The following HVCN1 variants were observed in gnomAD, a reference collection of about 807,000 sequenced individuals.
The protein encoded by HVCN1 is hydrogen voltage gated channel 1, also known as voltage-gated hydrogen channel 1.
HVCN1 carries 14 observed loss-of-function variants against 29.2 expected under a neutral mutation model. That is an observed-to-expected ratio of 0.48 (90% CI 0.32 to 0.75). The LOEUF is 0.75. Among genes scored for constraint, HVCN1 ranks in the 30% least tolerant of loss-of-function variants. The probability of loss-of-function intolerance (pLI) is 0.04; values close to 1 mark genes in which losing one functional copy is unlikely to be tolerated. For missense variants in HVCN1, 263 were observed against 341.8 expected (o/e 0.77, Z 1.82); for synonymous variants, 131 against 133.2 (o/e 0.98, Z 0.11).
At chr12:110,697,689 C>T (rs1005970743) in intron 2 of HVCN1, among the ~76,000 whole-genome samples, 4 of 141,676 alleles carry the variant, frequency 2.8e-5, no homozygotes, top group South Asian at 4.4e-4. Context: ...CTTGCTATGT[C>T]GCCCAGGCTG....
At chr12:110,681,660 C>CCATCAT (rs560447032) in intron 3 of HVCN1, among the ~76,000 whole-genome samples, 21 of 152,152 alleles carry the variant, frequency 1.4e-4, no homozygotes, top group African/African-American at 4.8e-4. Context: ...TACACAATCA[C>CCATCAT]CATCATCATC....
intron 2 of HVCN1, among the ~76,000 whole-genome samples, chr12:110,684,850 C>G (rs1275613770): frequency 1.5e-4 from 23 of 152,214 alleles, no homozygotes; most frequent in Admixed American, 1.4e-3. Flanking sequence ...AGTGGTCGCT[C>G]TGACCCTCTG....
intron 3 of HVCN1, among the ~76,000 whole-genome samples, chr12:110,668,142 C>T (rs1001254732): frequency 2.0e-5 from 3 of 152,092 alleles, no homozygotes; most frequent in South Asian, 2.1e-4. Flanking sequence ...GTACAGAGCA[C>T]CTGCCTCGGT....
rs1226788812 is a variant in HVCN1 at position 110,689,057 on chromosome 12, C to A, written c.-104+23G>T. 1 of 152,660 alleles carries A rather than the reference C, an allele frequency of 6.6e-6. No homozygotes were observed. The highest frequency in any genetic ancestry group is 1.5e-5 in the Non-Finnish European group (1 of 68,438). The allele number at this position is 152,660 out of a possible 1,614,324, so 9.5% of individuals were successfully genotyped here. On this transcript the variant is annotated intron_variant, in intron 1 of 7. Transcript: ENST00000242607. The surrounding 1 kb of genome is among the most constrained non-coding windows in gnomAD (Gnocchi z 5.7). ...GGCTGCACGCCAAACGGGGTACGCCCCCCGCCCGGCCCGAGCACTTACCCG... is the reference window on the plus strand; with the variant it reads ...GGCTGCACGCCAAACGGGGTACGCCACCCGCCCGGCCCGAGCACTTACCCG...
intron 7 of HVCN1, 81 bp downstream of exon 7, chr12:110,650,087 C>A: frequency 2.3e-6 from 2 of 887,928 alleles, no homozygotes; most frequent in South Asian, 2.7e-5. Flanking sequence ...TCAGGTGCTC[C>A]ACCTGCCTTG....
chr12:110,672,974 T>C (rs1341066991), intron 3 of HVCN1, among the ~76,000 whole-genome samples: 1 of 152,192 alleles, frequency 6.6e-6, no homozygotes, highest in Non-Finnish European at 1.5e-5. Context: ...AGTAAATTGG[T>C]ACCAGTAGAG....
In HVCN1 at chr12:110,648,951, A is replaced by C; in HGVS notation, c.*459T>G. 1 of 428,744 alleles carries C rather than the reference A, an allele frequency of 2.3e-6. No individual in the cohort carries two copies. The allele number at this position is 428,744 out of a possible 1,614,324, so 26.6% of individuals were successfully genotyped here. A position where few individuals can be genotyped will look rare whatever the true frequency, so the allele number is the denominator to read the frequency against. ...GGGGCCTGGGTACCCCTTTTGGGGA[A>C]ACTGAGACGAAGCTATTTAGAACAG... On this transcript the variant is annotated 3_prime_UTR_variant, in exon 8 of 8. Transcript: ENST00000242607.
intron 3 of HVCN1, among the ~76,000 whole-genome samples, chr12:110,675,237 T>C (rs192929031): frequency 6.6e-6 from 1 of 152,176 alleles, no homozygotes; most frequent in East Asian, 1.9e-4. Context: ...GGCTGGTGGA[T>C]CACCTGAGGT....
intron 5 of HVCN1, among the ~76,000 whole-genome samples, chr12:110,652,164 C>T (rs775729932): frequency 3.0e-4 from 46 of 152,174 alleles, no homozygotes; most frequent in Admixed American, 1.4e-3. Flanking sequence ...GAGGCCAAGG[C>T]GGGCAGATCA....
chr12:110,698,850 G>C (rs555421134), intron 2 of HVCN1, among the ~76,000 whole-genome samples: 1 of 152,172 alleles, frequency 6.6e-6, no homozygotes, highest in South Asian at 2.1e-4. Flanking sequence ...ACAGCCAGCC[G>C]GGCACGGTGG....
At chr12:110,666,401 C>T (rs550069967) in intron 3 of HVCN1, among the ~76,000 whole-genome samples, 9 of 151,682 alleles carry the variant, frequency 5.9e-5, no homozygotes, top group East Asian at 3.9e-4. Context: ...CCAGCCTGGG[C>T]GACAGAGTGA....
chr12:110,701,666 G>C (rs1259839042), intron 2 of HVCN1, among the ~76,000 whole-genome samples: 3 of 152,014 alleles, frequency 2.0e-5, no homozygotes, highest in African/African-American at 4.8e-5. Context: ...AGACCAGCCT[G>C]GTCAACATGG....
intron 2 of HVCN1, among the ~76,000 whole-genome samples, chr12:110,687,676 C>T (rs1019813434): frequency 3.9e-5 from 6 of 151,958 alleles, no homozygotes; most frequent in Admixed American, 6.6e-5. Context: ...GAGGGGTGGC[C>T]GGATTCAGGA....
At chr12:110,668,382 G>T (rs1055582282) in intron 3 of HVCN1, among the ~76,000 whole-genome samples, 4 of 152,176 alleles carry the variant, frequency 2.6e-5, no homozygotes, top group Non-Finnish European at 4.4e-5. Context: ...GTGGGCACTT[G>T]TAATCCCAGC....
In HVCN1 at chr12:110,660,736, T is replaced by C. The variant is rs1264119483; in HGVS notation, c.306+428A>G. ...GTGGCAGCCGCCAATCTGCTTCCTGTCTCTATGGATTTGCCTGTTCTAGAT... is the reference window on the plus strand; with the variant it reads ...GTGGCAGCCGCCAATCTGCTTCCTGCCTCTATGGATTTGCCTGTTCTAGAT... On this transcript the variant is annotated intron_variant, in intron 4 of 7. Coordinates refer to ENST00000242607, the MANE Select transcript of HVCN1 (RefSeq NM_032369.4). 2.6e-5 allele frequency among the ~76,000 whole-genome samples: 4 copies of C among 152,216 alleles called. 1 individual carries two copies. The East Asian group carries it at 7.7e-4, about 29-fold the overall frequency.
chr12:110,698,528 G>A (rs926978405), intron 2 of HVCN1, among the ~76,000 whole-genome samples: 2 of 152,194 alleles, frequency 1.3e-5, no homozygotes, highest in East Asian at 1.9e-4. Flanking sequence ...GAGCAGAGCC[G>A]AGGTGGGAGG....
chr12:110,650,211 A>G lies in HVCN1; in HGVS notation c.713T>C (p.Leu238Ser), dbSNP rs140430554. 3.1e-6 allele frequency: 5 copies of G among 1,613,510 alleles called. No homozygotes were observed. Among genetic ancestry groups the G allele is most frequent in the African/African-American group, 1.3e-5 (1 of 74,900 alleles). ...CTCAAGGTGTTGAATCTTGGCGGCC[A>G]ATTGTACATTCATCTGTTTTAACCT... is the stretch of plus-strand genomic sequence containing the variant. ...LLRLKQMNVQ[L>S]AAKIQHLEFS... Residue 238 changes from leucine to serine, a missense_variant, in exon 7 of 8, where the codon TTG becomes TCG. Coordinates refer to ENST00000242607, the MANE Select transcript of HVCN1 (RefSeq NM_032369.4).
intron 3 of HVCN1, among the ~76,000 whole-genome samples, chr12:110,672,433 G>C (rs55989635): frequency 6.6e-6 from 1 of 152,168 alleles, no homozygotes. Context: ...ACACCACAGA[G>C]CACCACACCA....
At chr12:110,677,188 C>G (rs1394731204) in intron 3 of HVCN1, among the ~76,000 whole-genome samples, 1 of 151,744 alleles carries the variant, frequency 6.6e-6, no homozygotes, top group Non-Finnish European at 1.5e-5. Context: ...CTGGGTGATA[C>G]AGCAAGACCT....
Sources: allele counts gnomAD v4.1 joint callset (sites outside exome capture counted in the v4.1 genomes callset), GRCh38; gene constraint gnomAD v4.1.1; non-coding constraint Gnocchi (gnomAD v3.1); transcripts MANE v1.5; gene names NCBI Gene and HGNC (gene_info 2026-07-23, HGNC 2026-07-21).